CLVS1: variants seen among roughly 807,000 people sequenced by gnomAD.
CLVS1 encodes clavesin 1.
Under a neutral mutation model 33.1 loss-of-function variants are expected in CLVS1, and 10 were observed. The ratio of observed to expected loss-of-function variants is 0.30; its 90% CI spans 0.19 to 0.51. The LOEUF is 0.51. CLVS1 is among the 20% of genes least tolerant of loss of function. CLVS1 has a pLI of 0.97. For synonymous variants in CLVS1, 163 were observed against 166.1 expected, an observed-to-expected ratio of 0.98 and a Z score of 0.14; for missense variants, 343 against 433.4, an observed-to-expected ratio of 0.79 and a Z score of 1.85.
At chr8:61,116,192 A>C (rs1372186040) in intron 1 of CLVS1, among the ~76,000 whole-genome samples, 1 of 151,758 alleles carries the variant, frequency 6.6e-6, no homozygotes, top group African/African-American at 2.4e-5. Flanking sequence ...GTGTCTGTTC[A>C]TGTCCTTTGC....
intron 2 of CLVS1, chr8:61,202,649 T>A (rs1807758831): frequency 1.3e-6 from 2 of 1,529,380 alleles, no homozygotes; most frequent in South Asian, 2.2e-5. Context: ...CCAGTAGTCT[T>A]AAGGTTGAAG....
At chr8:61,355,330 C>T (rs760024288) in intron 2 of CLVS1, among the ~76,000 whole-genome samples, 7 of 151,612 alleles carry the variant, frequency 4.6e-5, no homozygotes, top group Non-Finnish European at 1.0e-4. Context: ...TTTTATTTGT[C>T]AATTCAAAAT....
chr8:61,403,587 T>G (rs1814856193), intron 3 of CLVS1, among the ~76,000 whole-genome samples: 1 of 152,074 alleles, frequency 6.6e-6, no homozygotes, highest in Admixed American at 6.6e-5. Context: ...GAATTGGATG[T>G]GTGATATTTA....
At chr8:61,374,119 G>T (rs7012230) in intron 2 of CLVS1, among the ~76,000 whole-genome samples, 3 of 152,006 alleles carry the variant, frequency 2.0e-5, no homozygotes, top group African/African-American at 7.3e-5. Flanking sequence ...CATGAACAAG[G>T]GACAAAAAAT....
chr8:61,375,150 C>T, intron 2 of CLVS1, among the ~76,000 whole-genome samples: 1 of 151,978 alleles, frequency 6.6e-6, no homozygotes, highest in East Asian at 1.9e-4. Flanking sequence ...AATAAGAGTC[C>T]TTTGAAAGTA....
At chr8:61,260,370 G>T (rs1035875505) in intron 2 of CLVS1, among the ~76,000 whole-genome samples, 1 of 152,176 alleles carries the variant, frequency 6.6e-6, no homozygotes, top group Non-Finnish European at 1.5e-5. Context: ...CAAATAAAAC[G>T]GATGAGTAGT....
chr8:61,158,993 AT>A (rs778436544), intron 2 of CLVS1, among the ~76,000 whole-genome samples: 4 of 152,180 alleles, frequency 2.6e-5, no homozygotes, highest in Non-Finnish European at 5.9e-5. Flanking sequence ...TGCTCTGCTA[AT>A]TATAGCTGGG....
chr8:61,185,406 G>A (rs749415696), intron 2 of CLVS1, among the ~76,000 whole-genome samples: 11 of 150,354 alleles, frequency 7.3e-5, no homozygotes, highest in Admixed American at 4.7e-4. Flanking sequence ...CTCCCGCCTC[G>A]GCCTCCAAAA....
intron 2 of CLVS1, among the ~76,000 whole-genome samples, chr8:61,224,912 A>C (rs1808295707): frequency 6.6e-6 from 1 of 152,230 alleles, no homozygotes; most frequent in Non-Finnish European, 1.5e-5. Flanking sequence ...AGAATTTCTA[A>C]CCCTCTAAGT....
At chr8:61,286,227 A>G (rs941974616), upstream of CLVS1, among the ~76,000 whole-genome samples, 1 of 152,164 alleles carries the variant, frequency 6.6e-6, no homozygotes, top group African/African-American at 2.4e-5. Context: ...AGGAATTGTC[A>G]TAGCCCATGG....
At chr8:61,032,995 A>AGG in the CLVS1 span, among the ~76,000 whole-genome samples, 17 of 53,460 alleles carry the variant, frequency 3.2e-4, no homozygotes, top group East Asian at 9.6e-3. Flanking sequence ...GAAGGAAGGA[A>AGG]AGAAAGAAAG....
intron 1 of CLVS1, among the ~76,000 whole-genome samples, chr8:61,077,490 T>C (rs1563393993): frequency 7.7e-6 from 1 of 129,124 alleles, no homozygotes; most frequent in African/African-American, 2.9e-5. Flanking sequence ...TTATTATTAT[T>C]ATTGAGACGG....
Position 61,232,041 on chromosome 8 carries a change from T to TTG in CLVS1, c.-151-67635_-151-67634insGT, listed in dbSNP as rs1554548395. ...AGTTGTGGTTTTTTTTTTTTTTTTT[T>TTG]TTTTTTTTTGTGAGATGGAGTCTCG... On this transcript the variant is annotated intron_variant, in intron 2 of 2. Transcript: ENST00000522621. Among the ~76,000 whole-genome samples the TTG allele has an allele frequency of 4.5e-4, 52 of 116,012 alleles. 1 individual carries two copies. In the East Asian group the frequency reaches 8.5e-3, roughly 19 times the overall value. 76.1% of individuals were successfully genotyped at this position (116,012 alleles called of 152,430 possible).
At chr8:61,242,563 G>A (rs547860785) in intron 2 of CLVS1, among the ~76,000 whole-genome samples, 91 of 152,290 alleles carry the variant, frequency 6.0e-4, no homozygotes, top group Non-Finnish European at 1.1e-3. Context: ...GCCGAGGCGG[G>A]AGGATCACTT....
intron 2 of CLVS1, among the ~76,000 whole-genome samples, chr8:61,348,272 A>G (rs1812308472): frequency 6.8e-6 from 1 of 146,322 alleles, no homozygotes; most frequent in Admixed American, 6.8e-5. Context: ...ATAGGTGGGA[A>G]TTGAACAATG....
chr8:61,255,732 T>G (rs2129591959), intron 2 of CLVS1, among the ~76,000 whole-genome samples: 1 of 152,276 alleles, frequency 6.6e-6, no homozygotes, highest in Middle Eastern at 3.4e-3. Flanking sequence ...TTTTGTACTA[T>G]CTGTCAAAAC....
At chr8:61,143,462 T>C (rs1243164333) in intron 2 of CLVS1, among the ~76,000 whole-genome samples, 1 of 152,196 alleles carries the variant, frequency 6.6e-6, no homozygotes, top group Non-Finnish European at 1.5e-5. Flanking sequence ...TGAGCAAGCA[T>C]GTACAGCTAC....
At chr8:61,208,169 A>G (rs939268906) in intron 2 of CLVS1, among the ~76,000 whole-genome samples, 2 of 152,196 alleles carry the variant, frequency 1.3e-5, no homozygotes, top group South Asian at 2.1e-4. Context: ...AGATGAAGTA[A>G]TTTTTCTCTG....
At chr8:61,049,955 C>G in the CLVS1 span, among the ~76,000 whole-genome samples, 99 of 152,354 alleles carry the variant, frequency 6.5e-4, no homozygotes, top group African/African-American at 2.2e-3. Flanking sequence ...AATTCACAGA[C>G]AGGTGACATT....
Sources: gnomAD v4.1 joint callset for allele counts (sites outside exome capture counted in the v4.1 genomes callset) on GRCh38, gnomAD v4.1.1 for gene constraint, MANE v1.5 for transcripts, NCBI Gene and HGNC (gene_info 2026-07-23, HGNC 2026-07-21) for gene names.